MSI2: variants seen among roughly 807,000 people sequenced by gnomAD.
MSI2 encodes musashi RNA binding protein 2, also known as RNA-binding protein Musashi homolog 2.
Under a neutral mutation model 45.6 loss-of-function variants are expected in MSI2, and 17 were observed. That is an observed-to-expected ratio of 0.37 (90% CI 0.26 to 0.56). The LOEUF (loss-of-function observed/expected upper bound fraction) is 0.56, where lower values mean the gene tolerates loss of function less well. Ranked by LOEUF, MSI2 falls within the 20% of genes least tolerant of loss-of-function variation. The pLI is 0.77. For synonymous variants in MSI2, 156 were observed against 158.2 expected, an observed-to-expected ratio of 0.99 and a Z score of 0.11; for missense variants, 293 against 444.2, an observed-to-expected ratio of 0.66 and a Z score of 3.06.
chr17:57,591,345 T>C (rs1488571808), intron 7 of MSI2, among the ~76,000 whole-genome samples: 2 of 146,366 alleles, frequency 1.4e-5, no homozygotes, highest in Admixed American at 1.3e-4. Context: ...CTTAAAAACA[T>C]ATGTCAAATA....
intron 5 of MSI2, among the ~76,000 whole-genome samples, chr17:57,383,718 G>C (rs2083637842): frequency 6.6e-6 from 1 of 152,174 alleles, no homozygotes; most frequent in South Asian, 2.1e-4. Flanking sequence ...TGACATTTTA[G>C]ACTCCTGCCT....
At chr17:57,360,683 A>T (rs1033195016) in intron 5 of MSI2, among the ~76,000 whole-genome samples, 4 of 152,272 alleles carry the variant, frequency 2.6e-5, no homozygotes, top group African/African-American at 9.6e-5. Context: ...ATTAAATTTT[A>T]AAAATATCTT....
At chr17:57,359,996 G>A (rs988102147) in intron 5 of MSI2, among the ~76,000 whole-genome samples, 1 of 152,180 alleles carries the variant, frequency 6.6e-6, no homozygotes, top group East Asian at 1.9e-4. Flanking sequence ...ATCCTCAGGT[G>A]TCCCAGGGTT....
chr17:57,281,435 A>G (rs1444062445), intron 5 of MSI2, among the ~76,000 whole-genome samples: 1 of 152,090 alleles, frequency 6.6e-6, no homozygotes, highest in Non-Finnish European at 1.5e-5. Context: ...TGCAAAGTGA[A>G]TTGTTTCTAT....
chr17:57,609,156 T>C (rs1906978442), intron 8 of MSI2, among the ~76,000 whole-genome samples: 1 of 151,880 alleles, frequency 6.6e-6, no homozygotes, highest in South Asian at 2.1e-4. Flanking sequence ...TGTCCGGAGG[T>C]GAGGATCTTC....
intron 6 of MSI2, among the ~76,000 whole-genome samples, chr17:57,458,604 A>G (rs539153922): frequency 6.5e-4 from 99 of 152,332 alleles, no homozygotes; most frequent in African/African-American, 2.0e-3. Flanking sequence ...ACTGCTGGCT[A>G]CATGGATGGA....
chr17:57,278,662 G>C, intron 5 of MSI2: 2 of 153,376 alleles, frequency 1.3e-5, no homozygotes. Context: ...CCCTTGGTGA[G>C]CTTGGTGAGA....
rs1907690722 is a variant in MSI2, at chr17:57,616,280, CATGT to C, written c.652+197_652+200del. ...AAGTGTGGGTGTGTGTGTGTGCATG[CATGT>C]GTGTGTGTGTGTGTGTGTGTTTGTA... On this transcript the variant is annotated intron_variant, in intron 9 of 13. Transcript: ENST00000284073. The C allele has an allele frequency of 7.5e-6, 4 of 531,914 alleles. No individual in the cohort carries two copies. In the East Asian group the frequency reaches 1.2e-4, roughly 16 times the overall value. 32.9% of individuals were successfully genotyped at this position (531,914 alleles called of 1,614,324 possible). A position where few individuals can be genotyped will look rare whatever the true frequency, so the allele number is the denominator to read the frequency against.
At chr17:57,257,018 C>G (rs1232535030) in intron 1 of MSI2, 80 bp from the exon 2 acceptor site, 2 of 1,417,524 alleles carry the variant, frequency 1.4e-6, no homozygotes, top group East Asian at 3.0e-5. Context: ...CCCCCGCTTT[C>G]CTTTTAGCTT....
At chr17:57,323,097 T>G (rs1447849019) in intron 5 of MSI2, among the ~76,000 whole-genome samples, 3 of 151,976 alleles carry the variant, frequency 2.0e-5, no homozygotes, top group Non-Finnish European at 4.4e-5. Context: ...CTCATGACTT[T>G]TGTGAAAGTT....
At chr17:57,525,315 C>G (rs2086675290) in intron 6 of MSI2, among the ~76,000 whole-genome samples, 1 of 152,078 alleles carries the variant, frequency 6.6e-6, no homozygotes, top group Non-Finnish European at 1.5e-5. Flanking sequence ...GACAGGGTCT[C>G]GCTCTGTAGC....
intron 11 of MSI2, among the ~76,000 whole-genome samples, chr17:57,658,974 A>T (rs1210482015): frequency 6.6e-6 from 1 of 152,018 alleles, no homozygotes; most frequent in Non-Finnish European, 1.5e-5. Context: ...ATCAACCTGC[A>T]GGTTGGTGAG....
At chr17:57,435,847 C>T (rs1369269991) in intron 6 of MSI2, among the ~76,000 whole-genome samples, 1 of 152,102 alleles carries the variant, frequency 6.6e-6, no homozygotes, top group Non-Finnish European at 1.5e-5. Flanking sequence ...TAAGCCCATC[C>T]CTCCTAGAAA....
intron 5 of MSI2, among the ~76,000 whole-genome samples, chr17:57,360,981 A>T (rs879501828): frequency 5.9e-5 from 9 of 152,212 alleles, no homozygotes; most frequent in South Asian, 2.1e-4. Flanking sequence ...TTTGCTATGG[A>T]TTGTAACAAG....
intron 6 of MSI2, among the ~76,000 whole-genome samples, chr17:57,428,735 T>C (rs767904575): frequency 1.3e-5 from 2 of 152,174 alleles, no homozygotes; most frequent in Non-Finnish European, 2.9e-5. Flanking sequence ...ATATCATGTT[T>C]TATCTACTTT....
chr17:57,317,376 A>G (rs932194992), intron 5 of MSI2, among the ~76,000 whole-genome samples: 3 of 152,212 alleles, frequency 2.0e-5, no homozygotes, highest in African/African-American at 7.2e-5. Flanking sequence ...TAACCCCATC[A>G]GAAAGGCAGA....
intron 6 of MSI2, among the ~76,000 whole-genome samples, chr17:57,492,995 A>G (rs1435143541): frequency 6.6e-6 from 1 of 152,178 alleles, no homozygotes; most frequent in Non-Finnish European, 1.5e-5. Context: ...AGAGTGAGCC[A>G]GCGTAGGATG....
chr17:57,318,287 T>TC (rs1338145038), intron 5 of MSI2, among the ~76,000 whole-genome samples: 1 of 151,848 alleles, frequency 6.6e-6, no homozygotes, highest in African/African-American at 2.4e-5. Context: ...GGGAGGTTTT[T>TC]CACTGTTGAT....
At chr17:57,286,020 A>G (rs1305974957) in intron 5 of MSI2, 1 of 1,524,266 alleles carries the variant, frequency 6.6e-7, no homozygotes, top group East Asian at 2.5e-5. Flanking sequence ...AGGGTAAGAA[A>G]AAGTTCATGC....
Sources: allele counts gnomAD v4.1 joint callset (sites outside exome capture counted in the v4.1 genomes callset), GRCh38; gene constraint gnomAD v4.1.1; transcripts MANE v1.5; gene names NCBI Gene and HGNC (gene_info 2026-07-23, HGNC 2026-07-21).